PRKN: variants seen among roughly 807,000 people sequenced by gnomAD.
The protein encoded by PRKN is E3 ubiquitin-protein ligase parkin.
Under a neutral mutation model 59.5 loss-of-function variants are expected in PRKN, and 56 were observed. That is an observed-to-expected ratio of 0.94 (90% CI 0.76 to 1.18). The LOEUF (loss-of-function observed/expected upper bound fraction) is 1.18. PRKN is among the 50% of genes most tolerant of loss of function. The pLI is 0.00. For missense variants in PRKN, 657 were observed against 596.4 expected (o/e 1.10, Z -1.06); for synonymous variants, 250 against 222.1 (o/e 1.13, Z -1.12).
chr6:162,558,271 T>C (rs1035452376), intron 1 of PRKN, among the ~76,000 whole-genome samples: 2 of 151,988 alleles, frequency 1.3e-5, no homozygotes, highest in African/African-American at 2.4e-5. Context: ...TATTCCGGAT[T>C]CCCCATATTA....
At chr6:161,835,683 A>G (rs1379512874) in intron 6 of PRKN, among the ~76,000 whole-genome samples, 2 of 152,218 alleles carry the variant, frequency 1.3e-5, no homozygotes, top group South Asian at 2.1e-4. Context: ...GCACAAGTGC[A>G]AACTTTGCTT....
chr6:162,546,916 C>T (rs1202561897), intron 1 of PRKN, among the ~76,000 whole-genome samples: 2 of 152,154 alleles, frequency 1.3e-5, no homozygotes, highest in African/African-American at 4.8e-5. Flanking sequence ...TTTTTTCTCA[C>T]ATACCTTTAT....
intron 3 of PRKN, among the ~76,000 whole-genome samples, chr6:162,229,235 C>G (rs1011828950): frequency 1.3e-5 from 2 of 152,120 alleles, no homozygotes; most frequent in Non-Finnish European, 2.9e-5. Context: ...CTAGTCTCCC[C>G]CATCCCAACA....
chr6:161,666,909 G>C (rs1784746189), intron 7 of PRKN, among the ~76,000 whole-genome samples: 1 of 152,152 alleles, frequency 6.6e-6, no homozygotes, highest in South Asian at 2.1e-4. Flanking sequence ...CCCACAGTAG[G>C]CGGTGGACCT....
At chr6:162,304,719 C>T (rs1378869443) in intron 2 of PRKN, among the ~76,000 whole-genome samples, 1 of 150,782 alleles carries the variant, frequency 6.6e-6, no homozygotes. Flanking sequence ...ACCAGATAAA[C>T]AAAAATTACT....
At position 161,545,131 on chromosome 6, in the gene PRKN, T is replaced by C. The variant is rs1248857636; in HGVS notation, c.1083+3723A>G. On this transcript the variant is annotated intron_variant, in intron 9 of 11. Transcript: ENST00000366898. This position sits in a 1 kb window ranked among gnomAD's most constrained non-coding sequence, Gnocchi z 4.1. ...CAGAGAATTTGGTTTTCAACTTTTT[T>C]ATACGCGATTTTTTTTGTAACAGCT... The C allele has an allele frequency of 7.8e-7, 1 of 1,281,060 alleles. No individual in the cohort carries two copies. Among genetic ancestry groups the C allele is most frequent in the Non-Finnish European group, 9.9e-7 (1 of 1,014,824 alleles). 79.4% of individuals were successfully genotyped at this position (1,281,060 alleles called of 1,614,324 possible). A position where few individuals can be genotyped will look rare whatever the true frequency, so the allele number is the denominator to read the frequency against.
chr6:162,131,045 T>C (rs1781332303), intron 4 of PRKN, among the ~76,000 whole-genome samples: 1 of 152,196 alleles, frequency 6.6e-6, no homozygotes, highest in Non-Finnish European at 1.5e-5. Context: ...TTCACAATCA[T>C]TTCTATTTCA....
At chr6:162,017,230 T>G (rs774964921) in intron 5 of PRKN, among the ~76,000 whole-genome samples, 22 of 152,188 alleles carry the variant, frequency 1.4e-4, no homozygotes, top group Non-Finnish European at 2.4e-4. Context: ...AGTCTGTACT[T>G]GGGAATCCAT....
chr6:161,532,251 T>C (rs993601573), intron 9 of PRKN, among the ~76,000 whole-genome samples: 4 of 151,666 alleles, frequency 2.6e-5, no homozygotes, highest in Admixed American at 2.6e-4. Context: ...GCCTAGAGAC[T>C]GTGATTTGTG....
intron 4 of PRKN, among the ~76,000 whole-genome samples, chr6:162,196,169 G>A (rs1377327276): frequency 6.6e-6 from 1 of 152,108 alleles, no homozygotes; most frequent in Admixed American, 6.6e-5. Flanking sequence ...GTACTGTTAG[G>A]ATTTAGTGAG....
chr6:162,114,812 T>C (rs1330782652), intron 4 of PRKN, among the ~76,000 whole-genome samples: 1 of 151,954 alleles, frequency 6.6e-6, no homozygotes, highest in Non-Finnish European at 1.5e-5. Context: ...CTCACACCAG[T>C]TAGAACGGCA....
intron 4 of PRKN, among the ~76,000 whole-genome samples, chr6:162,102,701 A>G (rs570068554): frequency 6.9e-6 from 1 of 145,302 alleles, no homozygotes; most frequent in Admixed American, 6.6e-5. Context: ...CAATTTCTAG[A>G]AGAAATAGAG....
chr6:161,959,127 G>T (rs759284936), intron 6 of PRKN, among the ~76,000 whole-genome samples: 1 of 151,892 alleles, frequency 6.6e-6, no homozygotes, highest in African/African-American at 2.4e-5. Context: ...ACAACTTTTC[G>T]CAGGATTCAC....
intron 6 of PRKN, among the ~76,000 whole-genome samples, chr6:161,929,599 C>T (rs987746267): frequency 9.7e-5 from 13 of 133,878 alleles, no homozygotes; most frequent in Admixed American, 9.1e-4. Context: ...TCTCAGCTTA[C>T]TGCAACCTCT....
At chr6:161,891,311 G>T (rs1472984340) in intron 6 of PRKN, among the ~76,000 whole-genome samples, 2 of 152,212 alleles carry the variant, frequency 1.3e-5, no homozygotes, top group South Asian at 2.1e-4. Context: ...AGCTTGTGCT[G>T]TTCAAAACAA....
chr6:162,304,213 C>T (rs1782107043), intron 2 of PRKN, among the ~76,000 whole-genome samples: 2 of 150,432 alleles, frequency 1.3e-5, no homozygotes, highest in African/African-American at 4.9e-5. Flanking sequence ...TGCCGCAATC[C>T]CCTATTATTT....
chr6:162,408,101 A>G (rs950118055), intron 2 of PRKN, among the ~76,000 whole-genome samples: 1 of 152,078 alleles, frequency 6.6e-6, no homozygotes, highest in African/African-American at 2.4e-5. Context: ...TCCTACTCTC[A>G]TATCTTCTTT....
chr6:161,845,401 T>C (rs1234673187), intron 6 of PRKN, among the ~76,000 whole-genome samples: 1 of 152,192 alleles, frequency 6.6e-6, no homozygotes, highest in East Asian at 1.9e-4. Flanking sequence ...ATGTGGGTCA[T>C]TCCCAAAGAG....
intron 1 of PRKN, among the ~76,000 whole-genome samples, chr6:162,497,440 AGC>A (rs1793117786): frequency 2.6e-5 from 4 of 152,254 alleles, no homozygotes; most frequent in Admixed American, 2.6e-4. Context: ...TCAAAATGTG[AGC>A]CCAGAGATAA....
Sources: gnomAD v4.1 joint callset for allele counts (sites outside exome capture counted in the v4.1 genomes callset) on GRCh38, gnomAD v4.1.1 for gene constraint, Gnocchi (gnomAD v3.1) non-coding constraint, MANE v1.5 for transcripts, NCBI Gene and HGNC (gene_info 2026-07-23, HGNC 2026-07-21) for gene names.